GRIN2A: variants seen among roughly 807,000 people sequenced by gnomAD.
GRIN2A encodes glutamate ionotropic receptor NMDA type subunit 2A.
Under a neutral mutation model 113.4 loss-of-function variants are expected in GRIN2A, and 22 were observed. That is an observed-to-expected ratio of 0.19 (90% confidence interval 0.14 to 0.28). GRIN2A has a LOEUF of 0.28. GRIN2A is among the 10% of genes least tolerant of loss of function. The probability of loss-of-function intolerance (pLI) is 1.00; values close to 1 mark genes in which losing one functional copy is unlikely to be tolerated. For synonymous variants in GRIN2A, 827 were observed against 738.4 expected (o/e 1.12, Z -1.94); for missense variants, 1,502 against 1,887.0 (o/e 0.80, Z 3.78).
chr16:10,152,121 T>A (rs2049593182), intron 2 of GRIN2A, among the ~76,000 whole-genome samples: 1 of 152,170 alleles, frequency 6.6e-6, no homozygotes, highest in Non-Finnish European at 1.5e-5. Flanking sequence ...GTGGTCTCAG[T>A]AAGGGAGGAC....
rs1223121558 is a variant in GRIN2A, at chr16:9,946,202, G to A, written c.415-7651C>T. On this transcript the variant is annotated intron_variant, in intron 2 of 12. Coordinates refer to ENST00000330684, the MANE Select transcript of GRIN2A (RefSeq NM_001134407.3). The stretch of plus-strand genomic sequence containing the variant: ...CAAGGAAACAGCAAAGACCCAAGCT[G>A]GCTTTACCTGGTGCTCTGTCAACAT... 2.0e-5 allele frequency among the ~76,000 whole-genome samples: 3 copies of A among 152,138 alleles called. No individual in the cohort carries two copies. In the South Asian group the frequency reaches 6.2e-4, roughly 32 times the overall value.
chr16:9,810,652 G>C (rs1437857280), intron 10 of GRIN2A, among the ~76,000 whole-genome samples: 1 of 152,176 alleles, frequency 6.6e-6, no homozygotes, highest in Admixed American at 6.5e-5. Context: ...GAAACTGGAG[G>C]ACGCAAAGAA....
At chr16:9,964,297 C>G (rs1186886428) in intron 2 of GRIN2A, among the ~76,000 whole-genome samples, 2 of 152,228 alleles carry the variant, frequency 1.3e-5, no homozygotes, top group East Asian at 3.8e-4. Flanking sequence ...GCATCTACCA[C>G]TTGATAAATA....
At chr16:9,854,508 G>C (rs868450256) in intron 4 of GRIN2A, among the ~76,000 whole-genome samples, 1 of 152,090 alleles carries the variant, frequency 6.6e-6, no homozygotes, top group African/African-American at 2.4e-5. Context: ...CAGTGGCATG[G>C]AGTATGTATG....
chr16:10,034,884 T>G (rs1004436170), intron 2 of GRIN2A, among the ~76,000 whole-genome samples: 7 of 152,210 alleles, frequency 4.6e-5, no homozygotes, highest in African/African-American at 1.7e-4. Flanking sequence ...AATTTGAATA[T>G]CACACATATA....
intron 2 of GRIN2A, among the ~76,000 whole-genome samples, chr16:10,166,608 C>A (rs1262301251): frequency 6.6e-6 from 1 of 152,212 alleles, no homozygotes; most frequent in Non-Finnish European, 1.5e-5. Context: ...ACTGCACTTG[C>A]ATTATGAGTC....
At chr16:9,942,689 C>T (rs1173188505) in intron 2 of GRIN2A, among the ~76,000 whole-genome samples, 1 of 152,172 alleles carries the variant, frequency 6.6e-6, no homozygotes, top group Non-Finnish European at 1.5e-5. Context: ...CCCATGCAAA[C>T]CAGCTCATTC....
At chr16:10,119,549 G>A (rs9931751) in intron 2 of GRIN2A, among the ~76,000 whole-genome samples, 128,247 of 152,094 alleles carry the variant, frequency 0.84, 54,878 homozygotes, top group East Asian at 0.92. Flanking sequence ...GTCTAGCCCC[G>A]TGGTTCTCAA....
chr16:10,061,680 T>C (rs1888376785), intron 2 of GRIN2A, among the ~76,000 whole-genome samples: 1 of 152,192 alleles, frequency 6.6e-6, no homozygotes, highest in Non-Finnish European at 1.5e-5. Flanking sequence ...TTTTCCGAAC[T>C]CTTAGAAGGT....
intron 2 of GRIN2A, among the ~76,000 whole-genome samples, chr16:10,148,159 G>C (rs1427975188): frequency 6.6e-6 from 1 of 152,146 alleles, no homozygotes; most frequent in Admixed American, 6.5e-5. Context: ...CAGCCTGTGA[G>C]CCAAATCCAG....
intron 2 of GRIN2A, among the ~76,000 whole-genome samples, chr16:10,139,038 G>T (rs904996478): frequency 6.6e-6 from 1 of 152,226 alleles, no homozygotes; most frequent in Admixed American, 6.5e-5. Flanking sequence ...GCTTGGCCCA[G>T]TTGCCGAAGA....
Position 10,070,019 on chromosome 16 carries a change from T to C in GRIN2A, c.414+109979A>G, listed in dbSNP as rs75663414. Among the ~76,000 whole-genome samples, 131 of 152,316 alleles carry C rather than the reference T, an allele frequency of 8.6e-4. 2 individuals are homozygous for C. In the East Asian group the frequency reaches 0.023, roughly 27 times the overall value. On this transcript the variant is annotated intron_variant, in intron 2 of 12. Coordinates refer to ENST00000330684, the MANE Select transcript of GRIN2A (RefSeq NM_001134407.3). ...CACCCCTCCCTCCTACTTCTGTTTC[T>C]CTAAGCTCAATGACAATGTTCCCCA... is the stretch of plus-strand genomic sequence containing the variant.
chr16:9,903,415 C>T (rs1170368555), intron 3 of GRIN2A, among the ~76,000 whole-genome samples: 1 of 152,150 alleles, frequency 6.6e-6, no homozygotes. Context: ...GTTTATCCAG[C>T]AGACTTGCCA....
chr16:10,094,671 A>G (rs2048251577), intron 2 of GRIN2A, among the ~76,000 whole-genome samples: 1 of 151,990 alleles, frequency 6.6e-6, no homozygotes, highest in African/African-American at 2.4e-5. Context: ...GCTGGTCTCA[A>G]ACTCCTTACC....
intron 2 of GRIN2A, among the ~76,000 whole-genome samples, chr16:10,073,751 G>A (rs56746170): frequency 0.046 from 6,431 of 141,172 alleles, 486 homozygotes; most frequent in African/African-American, 0.16. Context: ...TAAAAATCCA[G>A]AAAAAAAAAA....
intron 2 of GRIN2A, among the ~76,000 whole-genome samples, chr16:10,010,596 A>C (rs2046487295): frequency 6.6e-6 from 1 of 152,218 alleles, no homozygotes; most frequent in African/African-American, 2.4e-5. Context: ...AGTACTTTAT[A>C]GGTACTTCAT....
chr16:10,030,796 G>C (rs1313541024), intron 2 of GRIN2A, among the ~76,000 whole-genome samples: 4 of 152,076 alleles, frequency 2.6e-5, no homozygotes, highest in African/African-American at 9.7e-5. Flanking sequence ...AATAGTTATC[G>C]ACAGCTACAA....
intron 7 of GRIN2A, among the ~76,000 whole-genome samples, chr16:9,834,633 C>T (rs747191536): frequency 7.9e-5 from 12 of 152,326 alleles, no homozygotes; most frequent in Admixed American, 3.9e-4. Context: ...CTGCCCACCT[C>T]GGCCTCCCAA....
At chr16:9,788,854 T>C (rs1427601450) in intron 11 of GRIN2A, among the ~76,000 whole-genome samples, 3 of 151,570 alleles carry the variant, frequency 2.0e-5, no homozygotes, top group Admixed American at 1.3e-4. Flanking sequence ...GTAATTCTCC[T>C]GCCTCAGCCT....
Sources: allele counts gnomAD v4.1 joint callset (sites outside exome capture counted in the v4.1 genomes callset), GRCh38; gene constraint gnomAD v4.1.1; transcripts MANE v1.5; gene names NCBI Gene and HGNC (gene_info 2026-07-23, HGNC 2026-07-21).